ROCK2: variants seen among roughly 807,000 people sequenced by gnomAD.
ROCK2 encodes rho-associated protein kinase 2.
A neutral mutation model predicts 195.1 loss-of-function variants in ROCK2; 61 were observed. The ratio of observed to expected loss-of-function variants is 0.31; its 90% CI spans 0.25 to 0.39. The LOEUF (loss-of-function observed/expected upper bound fraction) is 0.39. Ranked by LOEUF, ROCK2 falls within the 10% of genes least tolerant of loss-of-function variation. The pLI, the probability that ROCK2 is intolerant of heterozygous loss-of-function variation, is 1.00. For missense variants in ROCK2, 1,109 were observed against 1,637.4 expected, an observed-to-expected ratio of 0.68 and a Z score of 5.57; for synonymous variants, 504 against 545.5, an observed-to-expected ratio of 0.92 and a Z score of 1.06.
intron 3 of ROCK2, among the ~76,000 whole-genome samples, chr2:11,269,085 C>G (rs1666530883): frequency 6.6e-6 from 1 of 152,142 alleles, no homozygotes; most frequent in African/African-American, 2.4e-5. Context: ...CTTTTCAGCT[C>G]TAGAAATTTT....
intron 3 of ROCK2, among the ~76,000 whole-genome samples, chr2:11,272,464 C>T (rs552904788): frequency 6.6e-6 from 1 of 151,788 alleles, no homozygotes; most frequent in Non-Finnish European, 1.5e-5. Context: ...TTTCATAAAC[C>T]CATTTTGTTC....
chr2:11,199,848 T>A (rs1197987417), intron 23 of ROCK2, among the ~76,000 whole-genome samples: 1 of 152,214 alleles, frequency 6.6e-6, no homozygotes, highest in African/African-American at 2.4e-5. Flanking sequence ...TGTATTTATC[T>A]TAATGTGGAC....
chr2:11,232,506 C>T (rs1233229779), intron 5 of ROCK2, among the ~76,000 whole-genome samples: 2 of 152,174 alleles, frequency 1.3e-5, no homozygotes, highest in Admixed American at 6.5e-5. Flanking sequence ...GAGCCTTAAA[C>T]TTGCAATAAG....
intron 1 of ROCK2, among the ~76,000 whole-genome samples, chr2:11,307,340 A>C (rs1425167734): frequency 5.3e-5 from 8 of 152,174 alleles, no homozygotes; most frequent in Non-Finnish European, 1.0e-4. Context: ...TCTGAGACGG[A>C]GTCTCACTCT....
chr2:11,228,102 T>A (rs904404098), intron 5 of ROCK2, among the ~76,000 whole-genome samples: 1 of 152,206 alleles, frequency 6.6e-6, no homozygotes, highest in South Asian at 2.1e-4. Flanking sequence ...GGGGTGTGTG[T>A]GTCTGCATGC....
intron 4 of ROCK2, among the ~76,000 whole-genome samples, chr2:11,247,657 A>G (rs1440599488): frequency 1.3e-5 from 2 of 152,232 alleles, no homozygotes; most frequent in African/African-American, 2.4e-5. Context: ...ATCCGCTACT[A>G]TGAAAGCAAT....
intron 3 of ROCK2, among the ~76,000 whole-genome samples, chr2:11,267,476 C>G (rs1401515838): frequency 6.6e-6 from 1 of 151,306 alleles, no homozygotes. Flanking sequence ...TACCAAAATT[C>G]TAAAAGCCAA....
chr2:11,319,415 G>A (rs1668332073), intron 1 of ROCK2, among the ~76,000 whole-genome samples: 1 of 152,160 alleles, frequency 6.6e-6, no homozygotes, highest in Non-Finnish European at 1.5e-5. Context: ...TGTTACTGGT[G>A]TATAAGAATG....
chr2:11,227,627 G>A (rs1467872556), intron 5 of ROCK2, among the ~76,000 whole-genome samples: 1 of 152,130 alleles, frequency 6.6e-6, no homozygotes, highest in Non-Finnish European at 1.5e-5. Context: ...AATACAGGAG[G>A]CTTCCTCAAT....
chr2:11,324,194 TGGG>T (rs1668479610), intron 1 of ROCK2, among the ~76,000 whole-genome samples: 1 of 152,180 alleles, frequency 6.6e-6, no homozygotes, highest in Non-Finnish European at 1.5e-5. Flanking sequence ...CCCAGCACTT[TGGG>T]ACGCCAAGGC....
chr2:11,193,853 A>C lies in ROCK2; in HGVS notation c.3613T>G (p.Leu1205Val), dbSNP rs753975729. 1.3e-6 allele frequency: 2 copies of C among 1,590,014 alleles called. No homozygotes were observed. The highest frequency in any genetic ancestry group is 1.1e-5 in the South Asian group (1 of 88,574). The stretch of plus-strand genomic sequence containing the variant: ...TGTGTAACTGGTCGGACATGAAATA[A>C]CTTGCTATAAAAAATTTTGAATAAA... ...NPYMVLDIDK[L>V]FHVRPVTQTD... The change falls in exon 30 of 33, where the codon TTA (leucine) becomes GTA (valine). Residue 1205 changes from leucine to valine, a missense_variant. By Grantham distance (32) the Leu-to-Val change is conservative (BLOSUM62 1). Coordinates refer to ENST00000315872, the MANE Select transcript of ROCK2 (RefSeq NM_004850.5).
chr2:11,290,428 A>G lies in ROCK2; in HGVS notation c.142-2692T>C, dbSNP rs367972374. Among the ~76,000 whole-genome samples, 12 of 152,276 alleles carry G rather than the reference A, an allele frequency of 7.9e-5. No homozygotes were observed. The East Asian group carries it at 2.1e-3, about 27-fold the overall frequency. ...AGCCTGGGCAACACAGCAAGACCCC[A>G]TCTCATTTTTTTTAAAAATGATACT... On this transcript the variant is annotated intron_variant, in intron 1 of 32. Transcript: ENST00000315872.
At chr2:11,317,423 T>C (rs926536971) in intron 1 of ROCK2, among the ~76,000 whole-genome samples, 1 of 150,840 alleles carries the variant, frequency 6.6e-6, no homozygotes, top group African/African-American at 2.4e-5. Flanking sequence ...CTAAACCTCA[T>C]AGCATCAATA....
chr2:11,262,866 T>C (rs1666282554), intron 3 of ROCK2, among the ~76,000 whole-genome samples: 1 of 152,274 alleles, frequency 6.6e-6, no homozygotes, highest in East Asian at 1.9e-4. Context: ...AACACCTCAT[T>C]TGAAATTTTC....
intron 4 of ROCK2, among the ~76,000 whole-genome samples, chr2:11,238,894 CTGAGAACCCAGAAA>C (rs1473251203): frequency 1.3e-5 from 2 of 151,896 alleles, no homozygotes; most frequent in East Asian, 3.9e-4. Flanking sequence ...TTGTATAGAA[CTGAGAACCCAGAAA>C]TAAATCCTTG....
At chr2:11,279,425 C>G (rs2167126) in intron 3 of ROCK2, among the ~76,000 whole-genome samples, 123,034 of 152,182 alleles carry the variant, frequency 0.81, 51,323 homozygotes, top group East Asian at 0.99. Context: ...AAGTTACCAG[C>G]GATAAAAAAG....
intron 3 of ROCK2, among the ~76,000 whole-genome samples, chr2:11,265,203 T>C (rs541141431): frequency 1.7e-4 from 26 of 151,538 alleles, no homozygotes; most frequent in Non-Finnish European, 2.8e-4. Flanking sequence ...ATTACTACAT[T>C]AAAAAACACA....
intron 32 of ROCK2, among the ~76,000 whole-genome samples, chr2:11,188,103 A>ATTTTTTTTTTT (rs747304783): frequency 2.7e-5 from 3 of 112,642 alleles, no homozygotes; most frequent in Non-Finnish European, 5.3e-5. Flanking sequence ...CTGGTATATA[A>ATTTTTTTTTTT]TTTTTTTTTT....
At chr2:11,259,808 T>C (rs28474997) in intron 3 of ROCK2, among the ~76,000 whole-genome samples, 1 of 151,430 alleles carries the variant, frequency 6.6e-6, no homozygotes, top group Non-Finnish European at 1.5e-5. Context: ...TAACTGTATA[T>C]AACAAGAATC....
Sources: allele counts gnomAD v4.1 joint callset (sites outside exome capture counted in the v4.1 genomes callset), GRCh38; gene constraint gnomAD v4.1.1; transcripts MANE v1.5; gene names NCBI Gene and HGNC (gene_info 2026-07-23, HGNC 2026-07-21).